Variants in NPHP4 observed in about 807,000 individuals in gnomAD.
NPHP4 encodes the protein nephrocystin-4.
In NPHP4, 151 loss-of-function variants were observed where a neutral mutation model predicts 155.8. The ratio of observed to expected loss-of-function variants is 0.97; its 90% CI spans 0.85 to 1.11. The LOEUF is 1.11. NPHP4 is among the 50% of genes least tolerant of loss of function. The pLI, the probability that NPHP4 is intolerant of heterozygous loss-of-function variation, is 0.00. For synonymous variants in NPHP4, 845 were observed against 816.8 expected (o/e 1.03, Z -0.59); for missense variants, 1,956 against 1,925.7 (o/e 1.02, Z -0.29).
At chr1:5,914,153 C>T (rs933470616) in intron 11 of NPHP4, among the ~76,000 whole-genome samples, 3 of 149,478 alleles carry the variant, frequency 2.0e-5, no homozygotes, top group Non-Finnish European at 3.0e-5. Flanking sequence ...GACATGGTAG[C>T]TCATGCCTAT....
chr1:5,947,806 G>A (rs1243735664), intron 8 of NPHP4, among the ~76,000 whole-genome samples: 3 of 152,058 alleles, frequency 2.0e-5, no homozygotes, highest in Non-Finnish European at 2.9e-5. Context: ...CAAGGCCTCC[G>A]TAGACCCTCA....
Position 5,887,040 on chromosome 1 carries a change from A to G in NPHP4, c.2485+246T>C, listed in dbSNP as rs41280810. On this transcript the variant is annotated intron_variant, in intron 18 of 29. Transcript: ENST00000378156. ...TCCAGGGATAGCAACAAACAACAACATGCAGGAGAGCCCGAGATGACTGAT... is the reference window on the plus strand; with the variant it reads ...TCCAGGGATAGCAACAAACAACAACGTGCAGGAGAGCCCGAGATGACTGAT... 3,440 of 501,100 alleles carry G rather than the reference A, an allele frequency of 6.9e-3. 21 individuals carry two copies. Among genetic ancestry groups the G allele is most frequent in the Non-Finnish European group, 9.4e-3 (2,648 of 281,512 alleles). The allele number at this position is 501,100 out of a possible 1,614,324, so 31.0% of individuals were successfully genotyped here. A position where few individuals can be genotyped will look rare whatever the true frequency, so the allele number is the denominator to read the frequency against.
intron 11 of NPHP4, among the ~76,000 whole-genome samples, chr1:5,918,767 GA>G (rs1237246697): frequency 6.6e-6 from 1 of 152,164 alleles, no homozygotes; most frequent in Non-Finnish European, 1.5e-5. Context: ...TTTTTTAGAG[GA>G]TGTGTATCCC....
intron 5 of NPHP4, among the ~76,000 whole-genome samples, chr1:5,964,941 A>ATATATATATATTTTTTTTTTTTTTTT: frequency 1.7e-4 from 10 of 59,412 alleles, no homozygotes; most frequent in African/African-American, 7.6e-4. Flanking sequence ...ATATATATAT[A>ATATATATATATTTTTTTTTTTTTTTT]TTTTTTTTTT....
Position 5,889,264 on chromosome 1 carries a change from T to C in NPHP4, c.2304+1604A>G, listed in dbSNP as rs1404291272. On this transcript the variant is annotated intron_variant, in intron 17 of 29. Transcript: ENST00000378156. The surrounding 1 kb of genome is among the most constrained non-coding windows in gnomAD (Gnocchi z 4.2). Reference sequence around the variant, plus strand: ...AAACAAGATGAAAGCTGGCCCCGCCTGCAGAAAGTAAGTCCACCAAAGGCT... The same window carrying C: ...AAACAAGATGAAAGCTGGCCCCGCCCGCAGAAAGTAAGTCCACCAAAGGCT... 6.6e-6 allele frequency among the ~76,000 whole-genome samples: 1 copy of C among 152,226 alleles called. No individual in the cohort carries two copies. Among genetic ancestry groups the C allele is most frequent in the African/African-American group, 2.4e-5 (1 of 41,456 alleles).
At position 5,887,337 on chromosome 1, in the gene NPHP4, C is replaced by T. The variant is rs755644390; in HGVS notation, c.2434G>A (p.Gly812Ser). 4.3e-6 allele frequency: 7 copies of T among 1,613,592 alleles called. No homozygotes were observed. The highest frequency in any genetic ancestry group is 2.2e-5 in the South Asian group (2 of 91,082). Residue 812 changes from glycine to serine, a missense_variant, in exon 18 of 30, where the codon GGC (glycine) becomes AGC (serine). Transcript: ENST00000378156. ...CGGCCCTTCACCACCGAGTGGACGC[C>T]GATGGGCTTGACGCGGCCAAACCCC... ...MLGFGRVKPI[G>S]VHSVVKGRLH...
At chr1:5,936,574 A>G (rs1311325876) in intron 9 of NPHP4, among the ~76,000 whole-genome samples, 1 of 152,248 alleles carries the variant, frequency 6.6e-6, no homozygotes, top group Non-Finnish European at 1.5e-5. Context: ...CTTTTTAAGT[A>G]TAACAGCACC....
intron 28 of NPHP4, 127 bp from the exon 29 acceptor site, chr1:5,864,160 C>G (rs1640939452): frequency 3.4e-6 from 4 of 1,187,834 alleles, no homozygotes; most frequent in Middle Eastern, 2.8e-4. Flanking sequence ...AAGACAGACG[C>G]TCTCTGGAGC....
chr1:5,946,736 G>C (rs1022093616), intron 9 of NPHP4, among the ~76,000 whole-genome samples: 2 of 152,200 alleles, frequency 1.3e-5, no homozygotes, highest in African/African-American at 4.8e-5. Flanking sequence ...GTGACTGAAG[G>C]TTACATTGAT....
chr1:5,887,296 C>G lies in NPHP4; in HGVS notation c.2475G>C (p.Leu825Phe). ...SVVKGRLHLT[L>F]ANVGHPCEQK... is the part of the protein sequence containing the mutation. ...GCTGGGGACTCTTACCCACGTTGGC[C>G]AAAGTCAGGTGCAGCCGGCCCTTCA... Residue 825 changes from leucine to phenylalanine, a missense_variant, in exon 18 of 30, where the codon TTG becomes TTC. Physicochemically the swap from Leu to Phe is conservative, Grantham distance 22 (BLOSUM62 0). Coordinates refer to ENST00000378156, the MANE Select transcript of NPHP4 (RefSeq NM_015102.5). 1.2e-6 allele frequency: 2 copies of G among 1,612,856 alleles called. No homozygotes were observed. Among genetic ancestry groups the G allele is most frequent in the East Asian group, 4.5e-5 (2 of 44,854 alleles).
chr1:5,938,394 T>G (rs984275400), intron 9 of NPHP4, among the ~76,000 whole-genome samples: 3 of 152,002 alleles, frequency 2.0e-5, no homozygotes, highest in Non-Finnish European at 4.4e-5. Context: ...AGCCCAGAGG[T>G]CACAACAGCA....
At chr1:5,883,308 G>A (rs760589765) in intron 18 of NPHP4, among the ~76,000 whole-genome samples, 63 of 151,638 alleles carry the variant, frequency 4.2e-4, no homozygotes, top group Non-Finnish European at 6.9e-4. Flanking sequence ...AAATGCCACC[G>A]ATGTTCACGC....
chr1:5,889,323 G>A lies in NPHP4; in HGVS notation c.2304+1545C>T, dbSNP rs1643992027. 6.6e-6 allele frequency among the ~76,000 whole-genome samples: 1 copy of A among 152,250 alleles called. No homozygotes were observed. The highest frequency in any genetic ancestry group is 1.5e-5 in the Non-Finnish European group (1 of 68,048). ...CAACCTAACTCTCCCAGGATCTGGA[G>A]TCCAGAGGATTCTCTCTGATCATCT... On this transcript the variant is annotated intron_variant, in intron 17 of 29. Coordinates refer to ENST00000378156, the MANE Select transcript of NPHP4 (RefSeq NM_015102.5). The surrounding 1 kb of genome is among the most constrained non-coding windows in gnomAD (Gnocchi z 4.2).
chr1:5,896,598 A>G (rs1644406433), intron 16 of NPHP4, among the ~76,000 whole-genome samples: 1 of 152,244 alleles, frequency 6.6e-6, no homozygotes, highest in Admixed American at 6.5e-5. Flanking sequence ...CAAATAATAG[A>G]AGGAAATTTA....
Position 5,869,233 on chromosome 1 carries a change from G to GCA in NPHP4, c.3316-1339_3316-1338dup, listed in dbSNP as rs71571877. Among the ~76,000 whole-genome samples, 856 of 92,744 alleles carry GCA rather than the reference G, an allele frequency of 9.2e-3. 7 individuals carry two copies. The highest frequency in any genetic ancestry group is 0.056 in the Middle Eastern group (7 of 126). The allele number at this position is 92,744 out of a possible 152,430, so 60.8% of individuals were successfully genotyped here. A position where few individuals can be genotyped will look rare whatever the true frequency, so the allele number is the denominator to read the frequency against. On this transcript the variant is annotated intron_variant, in intron 23 of 29. Coordinates refer to ENST00000378156, the MANE Select transcript of NPHP4 (RefSeq NM_015102.5). ...CACATGCATACACATCCACCCACATGCACACACACACACACACACATGCAC... is the reference window on the plus strand; with the variant it reads ...CACATGCATACACATCCACCCACATGCACACACACACACACACACACATGCAC...
rs1245769383 is a variant in NPHP4 at position 5,867,124 on chromosome 1, G to A, written c.3473-9C>T. 2.5e-6 allele frequency: 4 copies of A among 1,605,866 alleles called. No homozygotes were observed. The African/African-American group carries it at 5.4e-5, about 21-fold the overall frequency. On this transcript the variant is annotated splice_polypyrimidine_tract_variant and intron_variant, in intron 24 of 29. Transcript: ENST00000378156. This position sits in a 1 kb window ranked among gnomAD's most constrained non-coding sequence, Gnocchi z 4.1. ...CATTCCCACCGGAGCACCTGGAGCA[G>A]GGGAAATGTCAAAAAGAGTCTTCTC...
At position 5,905,191 on chromosome 1, in the gene NPHP4, C is replaced by T. The variant is rs1644855338; in HGVS notation, c.1955+101G>A. The T allele has an allele frequency of 2.1e-6, 2 of 968,744 alleles. No individual in the cohort carries two copies. Among genetic ancestry groups the T allele is most frequent in the Non-Finnish European group, 3.3e-6 (2 of 600,472 alleles). The allele number at this position is 968,744 out of a possible 1,614,324, so 60.0% of individuals were successfully genotyped here. The stretch of plus-strand genomic sequence containing the variant: ...ATGGCACTCCCGAATCTACTAAGAC[C>T]TCAGCACAGACAGTTCTGCCAGGTC... On this transcript the variant is annotated intron_variant, in intron 15 of 29. Transcript: ENST00000378156. This position sits in a 1 kb window ranked among gnomAD's most constrained non-coding sequence, Gnocchi z 4.0.
At chr1:5,954,463 G>A (rs920280696) in intron 6 of NPHP4, among the ~76,000 whole-genome samples, 1 of 152,126 alleles carries the variant, frequency 6.6e-6, no homozygotes, top group Non-Finnish European at 1.5e-5. Flanking sequence ...CTTCTTTATA[G>A]TTTTCTATAT....
chr1:5,916,936 C>G (rs769631089), intron 11 of NPHP4, among the ~76,000 whole-genome samples: 2 of 152,222 alleles, frequency 1.3e-5, no homozygotes, highest in Non-Finnish European at 2.9e-5. Context: ...AGGAACTACT[C>G]AAGTCTATGC....
Sources: gnomAD v4.1 joint callset for allele counts (sites outside exome capture counted in the v4.1 genomes callset) on GRCh38, gnomAD v4.1.1 for gene constraint, Gnocchi (gnomAD v3.1) non-coding constraint, MANE v1.5 for transcripts, NCBI Gene and HGNC (gene_info 2026-07-23, HGNC 2026-07-21) for gene names.